The following NAV2 variants were observed in gnomAD, a reference collection of about 807,000 sequenced individuals.
NAV2 encodes the protein neuron navigator 2.
NAV2 carries 54 observed loss-of-function variants against 223.2 expected under a neutral mutation model. The ratio of observed to expected loss-of-function variants is 0.24; its 90% confidence interval spans 0.19 to 0.30. The LOEUF is 0.30. NAV2 is among the 10% of genes least tolerant of loss of function. The pLI, the probability that NAV2 is intolerant of heterozygous loss-of-function variation, is 1.00. For missense variants in NAV2, 2,806 were observed against 3,147.5 expected (o/e 0.89, Z 2.60); for synonymous variants, 1,279 against 1,239.3 (o/e 1.03, Z -0.67).
chr11:19,865,363 A>G (rs11025301), intron 3 of NAV2, among the ~76,000 whole-genome samples: 22,691 of 152,102 alleles, frequency 0.15, 1,760 homozygotes, highest in African/African-American at 0.17. Context: ...GTTTACCTGT[A>G]CAGTATTTAG....
At chr11:19,871,650 G>A (rs1274985364) in intron 4 of NAV2, among the ~76,000 whole-genome samples, 1 of 152,148 alleles carries the variant, frequency 6.6e-6, no homozygotes, top group African/African-American at 2.4e-5. Context: ...GGACTAGCAG[G>A]AACGTGTGGG....
intron 1 of NAV2, among the ~76,000 whole-genome samples, chr11:19,555,040 C>T (rs76360711): frequency 0.06 from 8,999 of 150,106 alleles, 978 homozygotes; most frequent in African/African-American, 0.22. Context: ...CTTATCTACC[C>T]ATGTATGTAT....
intron 1 of NAV2, among the ~76,000 whole-genome samples, chr11:19,490,807 C>G (rs1365239339): frequency 1.3e-5 from 2 of 152,208 alleles, no homozygotes; most frequent in Admixed American, 6.5e-5. Context: ...TTACTTTGCT[C>G]AGCTCCATAT....
At chr11:19,363,503 T>C (rs151049535) in intron 1 of NAV2, among the ~76,000 whole-genome samples, 84 of 152,320 alleles carry the variant, frequency 5.5e-4, no homozygotes, top group Non-Finnish European at 9.6e-4. Context: ...GAAACTGAAA[T>C]TCAAACCCAA....
At chr11:19,757,981 T>C (rs978436927) in intron 1 of NAV2, among the ~76,000 whole-genome samples, 10 of 152,194 alleles carry the variant, frequency 6.6e-5, no homozygotes, top group Non-Finnish European at 1.5e-4. Context: ...TGCCCAGTTA[T>C]TGGAACCTGG....
chr11:19,726,812 C>T (rs1267391410), intron 1 of NAV2, among the ~76,000 whole-genome samples: 6 of 152,250 alleles, frequency 3.9e-5, no homozygotes, highest in East Asian at 3.9e-4. Flanking sequence ...AATAAGATCC[C>T]GGATGACATA....
intron 2 of NAV2, among the ~76,000 whole-genome samples, chr11:19,837,914 A>G (rs2060316014): frequency 6.6e-6 from 1 of 152,208 alleles, no homozygotes; most frequent in African/African-American, 2.4e-5. Flanking sequence ...TAGCTGCACT[A>G]TGGAAGACAA....
At chr11:19,736,438 G>A (rs2052307874) in intron 1 of NAV2, among the ~76,000 whole-genome samples, 1 of 152,132 alleles carries the variant, frequency 6.6e-6, no homozygotes, top group South Asian at 2.1e-4. Flanking sequence ...GAGCTTTGCT[G>A]AAGTGGAAGA....
intron 1 of NAV2, among the ~76,000 whole-genome samples, chr11:19,803,261 T>C (rs2152779251): frequency 6.6e-6 from 1 of 152,320 alleles, no homozygotes; most frequent in South Asian, 2.1e-4. Context: ...TGAACTCAGG[T>C]GGAGTCTCTG....
chr11:19,809,740 G>A (rs2058754248), intron 1 of NAV2, among the ~76,000 whole-genome samples: 1 of 152,156 alleles, frequency 6.6e-6, no homozygotes, highest in Non-Finnish European at 1.5e-5. Flanking sequence ...GCTTCTAATG[G>A]TTTTGAAAAG....
chr11:20,110,298 C>T (rs1004309070), intron 36 of NAV2, among the ~76,000 whole-genome samples: 1 of 152,194 alleles, frequency 6.6e-6, no homozygotes, highest in Non-Finnish European at 1.5e-5. Context: ...AAACTTGTGA[C>T]CTCGCCATCC....
intron 22 of NAV2, among the ~76,000 whole-genome samples, chr11:20,075,841 G>A (rs964532970): frequency 2.9e-5 from 4 of 138,712 alleles, no homozygotes; most frequent in South Asian, 4.4e-4. Flanking sequence ...TCCTCCTCTC[G>A]AATTTCACAG....
intron 1 of NAV2, among the ~76,000 whole-genome samples, chr11:19,444,168 C>T (rs1241886029): frequency 6.6e-6 from 1 of 152,202 alleles, no homozygotes; most frequent in Non-Finnish European, 1.5e-5. Context: ...GTCTCCATCT[C>T]TTGACCTTGT....
Position 19,589,744 on chromosome 11 carries a change from T to C in NAV2, c.75+238717T>C, listed in dbSNP as rs114066575. Among the ~76,000 whole-genome samples the C allele has an allele frequency of 3.0e-3, 451 of 152,234 alleles. 4 individuals carry two copies. The highest frequency in any genetic ancestry group is 0.01 in the African/African-American group (432 of 41,546). On this transcript the variant is annotated intron_variant, in intron 1 of 37. Coordinates refer to the NAV2 transcript ENST00000360655. ...CTAGAAGCCGATCAGCCATCACAGCTCCATCTCCTTCAGCTGCTCCCAGCG... is the reference window on the plus strand; with the variant it reads ...CTAGAAGCCGATCAGCCATCACAGCCCCATCTCCTTCAGCTGCTCCCAGCG...
At position 20,114,770 on chromosome 11, in the gene NAV2, C is replaced by T; in HGVS notation, c.7139C>T (p.Pro2380Leu). ...GGATCGACAAGCAAGCAGATGCCCC[C>T]CAGTGATGCTGAAGGTGACCCGCTG... ...REGSTSKQMPPSDAEGDPLMN... is the reference protein window; with the variant it reads ...REGSTSKQMPLSDAEGDPLMN... Residue 2380 changes from proline to leucine, a missense_variant, in exon 37 of 38, where the codon CCC becomes CTC. Around this residue, in one of 4 missense-constraint regions of NAV2, gnomAD observed 824 missense variants for 1,069.4 expected, o/e 0.77. Coordinates refer to ENST00000349880, the MANE Select transcript of NAV2 (RefSeq NM_145117.5). The T allele has an allele frequency of 6.2e-7, 1 of 1,613,810 alleles. No homozygotes were observed. Among genetic ancestry groups the T allele is most frequent in the African/African-American group, 1.3e-5 (1 of 75,030 alleles).
Position 19,430,743 on chromosome 11 carries a change from G to A in NAV2, c.75+79716G>A, listed in dbSNP as rs138520035. On this transcript the variant is annotated intron_variant, in intron 1 of 37. Coordinates refer to the NAV2 transcript ENST00000360655. ...CCAGTCTCCCCTGCCGTGTGGATCA[G>A]TTGACAGTTGAGGGTAGAGAGCATC... Among the ~76,000 whole-genome samples, 368 of 152,220 alleles carry A rather than the reference G, an allele frequency of 2.4e-3. 4 individuals are homozygous for A. The highest frequency in any genetic ancestry group is 8.5e-3 in the African/African-American group (354 of 41,526).
At chr11:20,090,806 A>G (rs2060789667) in intron 26 of NAV2, 59 bp from the exon 27 acceptor site, 1 of 1,550,242 alleles carries the variant, frequency 6.5e-7, no homozygotes. Flanking sequence ...GATGTGGACC[A>G]GTGTTCAGTA....
At chr11:19,999,941 G>A (rs909356676) in intron 11 of NAV2, among the ~76,000 whole-genome samples, 10 of 152,226 alleles carry the variant, frequency 6.6e-5, no homozygotes, top group East Asian at 1.9e-4. Flanking sequence ...TACCTAAATC[G>A]GCCAGGATAT....
chr11:19,662,300 C>A (rs1468256765), intron 1 of NAV2, among the ~76,000 whole-genome samples: 3 of 152,230 alleles, frequency 2.0e-5, no homozygotes, highest in African/African-American at 4.8e-5. Flanking sequence ...GCTGATCCCA[C>A]AGCAGAAGGC....
Sources: gnomAD v4.1 joint callset for allele counts (sites outside exome capture counted in the v4.1 genomes callset) on GRCh38, gnomAD v4.1.1 for gene constraint, gnomAD v4.1.1 regional missense constraint, MANE v1.5 for transcripts, NCBI Gene and HGNC (gene_info 2026-07-23, HGNC 2026-07-21) for gene names.